Variants in IARS2 observed in about 807,000 individuals in gnomAD.
IARS2 encodes the protein isoleucine--tRNA ligase, mitochondrial.
A neutral mutation model predicts 126.3 loss-of-function variants in IARS2; 56 were observed. That is an observed-to-expected ratio of 0.44 (90% CI 0.36 to 0.55). IARS2 has a LOEUF of 0.55. Among genes scored for constraint, IARS2 ranks in the 20% least tolerant of loss-of-function variants. IARS2 has a pLI of 0.00. For synonymous variants in IARS2, 407 were observed against 441.1 expected, an observed-to-expected ratio of 0.92 and a Z score of 0.97; for missense variants, 1,127 against 1,245.9, an observed-to-expected ratio of 0.90 and a Z score of 1.44.
At chr1:220,105,855 A>G (rs1408059229) in intron 8 of IARS2, 36 bp from the exon 9 acceptor site, 2 of 1,580,952 alleles carry the variant, frequency 1.3e-6, no homozygotes. Context: ...TTTGCCATAT[A>G]AAATGATTCT....
At position 220,137,120 on chromosome 1, in the gene IARS2, C is replaced by T. The variant is rs75860180; in HGVS notation, c.2049+209C>T. ...GACTCTCCAGTTAGGTCCCAAACCA[C>T]GCTGTTTCTTTTTTAATTGTCTGAG... is the stretch of plus-strand genomic sequence containing the variant. On this transcript the variant is annotated intron_variant, in intron 16 of 22. Transcript: ENST00000366922. 1.3e-3 allele frequency among the ~76,000 whole-genome samples: 191 copies of T among 152,268 alleles called. 5 individuals carry two copies. In the East Asian group the frequency reaches 0.034, roughly 27 times the overall value.
intron 14 of IARS2, among the ~76,000 whole-genome samples, chr1:220,130,624 C>G (rs1396072401): frequency 6.6e-6 from 1 of 152,126 alleles, no homozygotes; most frequent in Non-Finnish European, 1.5e-5. Flanking sequence ...GTGGCACGAT[C>G]TTGGCTCACT....
intron 10 of IARS2, 76 bp downstream of exon 10, chr1:220,107,227 C>T: frequency 1.2e-6 from 1 of 864,238 alleles, no homozygotes; most frequent in South Asian, 1.5e-5. Context: ...CCTATTTTCC[C>T]TCCTTATACT....
At chr1:220,136,298 A>C (rs1169543022) in intron 15 of IARS2, among the ~76,000 whole-genome samples, 1 of 151,988 alleles carries the variant, frequency 6.6e-6, no homozygotes, top group Non-Finnish European at 1.5e-5. Flanking sequence ...TACCCAGCTA[A>C]TTTTTGTATT....
chr1:220,136,634 C>CAAAAAAAAAAAAAAAA (rs775927970), intron 15 of IARS2, among the ~76,000 whole-genome samples, 175 bp from the exon 16 acceptor site: 1 of 63,116 alleles, frequency 1.6e-5, no homozygotes, highest in Admixed American at 1.6e-4. Context: ...GACTCCATCT[C>CAAAAAAAAAAAAAAAA]AAAAAAAAAA....
chr1:220,118,694 G>A (rs78888417), intron 12 of IARS2, among the ~76,000 whole-genome samples: 10,960 of 152,064 alleles, frequency 0.072, 602 homozygotes, highest in South Asian at 0.15. Flanking sequence ...GTGAAACTTA[G>A]CCCCTAACTT....
intron 2 of IARS2, among the ~76,000 whole-genome samples, chr1:220,098,442 T>G (rs1471491173): frequency 6.6e-6 from 1 of 152,200 alleles, no homozygotes; most frequent in Non-Finnish European, 1.5e-5. Context: ...CCCTCTAAAA[T>G]GGTACCACCC....
At chr1:220,113,449 T>C (rs2102824721) in intron 11 of IARS2, among the ~76,000 whole-genome samples, 1 of 152,332 alleles carries the variant, frequency 6.6e-6, no homozygotes, top group East Asian at 1.9e-4. Context: ...GAAAGATTTT[T>C]TAAAATGAAG....
intron 13 of IARS2, among the ~76,000 whole-genome samples, chr1:220,125,923 A>T (rs1657144967): frequency 6.6e-6 from 1 of 151,214 alleles, no homozygotes; most frequent in Admixed American, 6.6e-5. Context: ...TGGCTAATAC[A>T]GTGAAACCCT....
At position 220,094,188 on chromosome 1, in the gene IARS2, A is replaced by G. The variant is rs372855672; in HGVS notation, c.-29A>G. The stretch of plus-strand genomic sequence containing the variant: ...CCCCTTCAAGCTGGGGCGGGAGCGG[A>G]GGACCCCGCTCTCAGGGGTTGCCGG... On this transcript the variant is annotated 5_prime_UTR_variant, in exon 1 of 23. Transcript: ENST00000366922. 2 of 1,518,716 alleles carry G rather than the reference A, an allele frequency of 1.3e-6. No individual in the cohort carries two copies. The highest frequency in any genetic ancestry group is 2.1e-5 in the Admixed American group (1 of 46,628). The allele number at this position is 1,518,716 out of a possible 1,614,324, so 94.1% of individuals were successfully genotyped here. A position where few individuals can be genotyped will look rare whatever the true frequency, so the allele number is the denominator to read the frequency against.
At chr1:220,134,695 C>G (rs548281178) in intron 15 of IARS2, 185 bp downstream of exon 15, 1 of 358,002 alleles carries the variant, frequency 2.8e-6, no homozygotes, top group African/African-American at 2.1e-5. Flanking sequence ...TGATGCAGAT[C>G]ATAACTCTTT....
intron 3 of IARS2, among the ~76,000 whole-genome samples, 173 bp from the exon 4 acceptor site, chr1:220,101,956 C>G (rs1428261557): frequency 6.6e-6 from 1 of 152,172 alleles, no homozygotes; most frequent in African/African-American, 2.4e-5. Context: ...GAGCCGAGAT[C>G]ATGCCACTCG....
intron 12 of IARS2, among the ~76,000 whole-genome samples, chr1:220,122,800 G>A (rs1399836810): frequency 6.6e-6 from 1 of 151,850 alleles, no homozygotes. Context: ...TACCGTATTT[G>A]CTAAATTAAT....
intron 3 of IARS2, among the ~76,000 whole-genome samples, 157 bp from the exon 4 acceptor site, chr1:220,101,972 C>T (rs913983441): frequency 6.6e-6 from 1 of 152,222 alleles, no homozygotes; most frequent in Admixed American, 6.5e-5. Context: ...ACTCGCGCCA[C>T]TGCACTCTAG....
In IARS2 at chr1:220,094,212, G is replaced by T; in HGVS notation, c.-5G>T. 9 of 1,561,456 alleles carry T rather than the reference G, an allele frequency of 5.8e-6. 1 individual carries two copies. The South Asian group carries it at 9.5e-5, about 17-fold the overall frequency. ...GAGGACCCCGCTCTCAGGGGTTGCC[G>T]GACCATGCGTTGGGGGCTGCGCCCT... On this transcript the variant is annotated 5_prime_UTR_variant, in exon 1 of 23. Transcript: ENST00000366922.
At chr1:220,143,724 A>C (rs1657532925) in intron 21 of IARS2, among the ~76,000 whole-genome samples, 2 of 152,132 alleles carry the variant, frequency 1.3e-5, no homozygotes, top group Admixed American at 1.3e-4. Context: ...GAGAAAATTC[A>C]TTTTCTCCAG....
At chr1:220,140,517 T>G (rs1424453483) in intron 19 of IARS2, among the ~76,000 whole-genome samples, 3 of 152,110 alleles carry the variant, frequency 2.0e-5, no homozygotes, top group African/African-American at 7.2e-5. Context: ...AGGCGGAGGT[T>G]GCAATGAGCA....
chr1:220,107,184 T>A, intron 10 of IARS2, 33 bp downstream of exon 10: 1 of 1,467,476 alleles, frequency 6.8e-7, no homozygotes, highest in South Asian at 1.1e-5. Flanking sequence ...TCATACATGT[T>A]TTCTGAAAAG....
intron 19 of IARS2, 74 bp downstream of exon 19, chr1:220,140,363 T>C: frequency 1.1e-6 from 1 of 921,552 alleles, no homozygotes. Flanking sequence ...CCCAGCACTT[T>C]GGGAGGCCGA....
Sources: allele counts gnomAD v4.1 joint callset (sites outside exome capture counted in the v4.1 genomes callset), GRCh38; gene constraint gnomAD v4.1.1; transcripts MANE v1.5; gene names NCBI Gene and HGNC (gene_info 2026-07-23, HGNC 2026-07-21).